Variants in CPQ observed in about 807,000 individuals in gnomAD.
The protein encoded by CPQ is carboxypeptidase Q.
CPQ carries 37 observed loss-of-function variants against 45.7 expected under a neutral mutation model. The ratio of observed to expected loss-of-function variants is 0.81; its 90% CI spans 0.62 to 1.07. The LOEUF (loss-of-function observed/expected upper bound fraction) is 1.07, where lower values mean the gene tolerates loss of function less well. Ranked by LOEUF, CPQ falls within the 50% of genes least tolerant of loss-of-function variation. The pLI, the probability that CPQ is intolerant of heterozygous loss-of-function variation, is 0.00. For missense variants in CPQ, 537 were observed against 572.9 expected, an observed-to-expected ratio of 0.94 and a Z score of 0.64; for synonymous variants, 186 against 205.8, an observed-to-expected ratio of 0.90 and a Z score of 0.82.
chr8:96,685,230 T>G (rs1313540033), intron 1 of CPQ, among the ~76,000 whole-genome samples: 1 of 152,200 alleles, frequency 6.6e-6, no homozygotes, highest in Admixed American at 6.5e-5. Context: ...GAAATACTTT[T>G]TATTTCTATT....
At chr8:97,037,733 T>C (rs1242702665) in intron 6 of CPQ, among the ~76,000 whole-genome samples, 1 of 152,234 alleles carries the variant, frequency 6.6e-6, no homozygotes, top group Non-Finnish European at 1.5e-5. Flanking sequence ...CTTTTGAGTT[T>C]GCTTTCTCCT....
chr8:96,929,762 C>A (rs777355993), intron 4 of CPQ, among the ~76,000 whole-genome samples: 2 of 152,134 alleles, frequency 1.3e-5, no homozygotes, highest in Non-Finnish European at 2.9e-5. Context: ...CTCTGAGATA[C>A]AATTACCCAT....
intron 4 of CPQ, among the ~76,000 whole-genome samples, chr8:96,925,324 C>G (rs1232724328): frequency 6.6e-6 from 1 of 151,804 alleles, no homozygotes; most frequent in African/African-American, 2.4e-5. Context: ...GTTGACTAGG[C>G]TACACCCTAG....
At chr8:96,949,078 GT>G (rs1168688722) in intron 4 of CPQ, among the ~76,000 whole-genome samples, 1 of 151,960 alleles carries the variant, frequency 6.6e-6, no homozygotes, top group Non-Finnish European at 1.5e-5. Context: ...TGGGTATTTT[GT>G]TTGTTTTCCA....
chr8:96,792,124 A>G (rs1396649657), intron 2 of CPQ, among the ~76,000 whole-genome samples: 2 of 152,152 alleles, frequency 1.3e-5, no homozygotes, highest in Admixed American at 6.6e-5. Flanking sequence ...GTTTATTCAC[A>G]TGGCAGGATT....
chr8:96,907,972 C>A (rs1480450002), intron 4 of CPQ, among the ~76,000 whole-genome samples: 1 of 152,246 alleles, frequency 6.6e-6, no homozygotes, highest in Middle Eastern at 3.4e-3. Flanking sequence ...ACATTAAGAA[C>A]ATTTTCTTAA....
intron 7 of CPQ, among the ~76,000 whole-genome samples, chr8:97,106,129 G>C (rs1191520426): frequency 6.6e-6 from 1 of 152,168 alleles, no homozygotes; most frequent in African/African-American, 2.4e-5. Flanking sequence ...TGGAGGGCTT[G>C]GATTCTGTGC....
At chr8:96,974,160 A>G (rs1813733429) in intron 5 of CPQ, among the ~76,000 whole-genome samples, 1 of 152,174 alleles carries the variant, frequency 6.6e-6, no homozygotes, top group South Asian at 2.1e-4. Context: ...TAAACTTAAG[A>G]TGAAGGGGTG....
chr8:96,730,866 C>CATACATACATATATATATAT lies in CPQ; in HGVS notation c.-34-53995_-34-53994insCATACATATATATATATATA, dbSNP rs56216136. Among the ~76,000 whole-genome samples, 46 of 68,692 alleles carry CATACATACATATATATATAT rather than the reference C, an allele frequency of 6.7e-4. 1 individual carries two copies. The highest frequency in any genetic ancestry group is 5.1e-3 in the East Asian group (11 of 2,144). 45.1% of individuals were successfully genotyped at this position (68,692 alleles called of 152,430 possible). On this transcript the variant is annotated intron_variant, in intron 1 of 7. Transcript: ENST00000220763. Reference sequence around the variant, plus strand: ...GATCTAGATCAATTAACCATACATACATATATATATATATATATATATATA... The same window carrying CATACATACATATATATATAT: ...GATCTAGATCAATTAACCATACATACATACATACATATATATATATATATATATATATATATATATATATA...
At chr8:96,980,431 C>A (rs1029867943) in intron 5 of CPQ, among the ~76,000 whole-genome samples, 1 of 152,160 alleles carries the variant, frequency 6.6e-6, no homozygotes. Flanking sequence ...CCGTGCCCAG[C>A]CTAAATTATT....
chr8:97,122,795 G>A lies in CPQ; in HGVS notation c.1256-20225G>A, dbSNP rs111543194. 2.2e-3 allele frequency among the ~76,000 whole-genome samples: 326 copies of A among 150,284 alleles called. 1 individual carries two copies. Among genetic ancestry groups the A allele is most frequent in the African/African-American group, 7.1e-3 (288 of 40,718 alleles). ...AGCTTCTCAGCAGCCTGAGGCAGGA[G>A]AATCGCTTGAACCCAGGAGGCAGAG... On this transcript the variant is annotated intron_variant, in intron 7 of 7. Transcript: ENST00000220763.
chr8:96,693,565 A>T (rs1477785817), intron 1 of CPQ, among the ~76,000 whole-genome samples: 1 of 152,182 alleles, frequency 6.6e-6, no homozygotes, highest in Non-Finnish European at 1.5e-5. Flanking sequence ...GACATATTAA[A>T]AGTGCCAAAA....
chr8:97,043,436 A>G lies in CPQ; in HGVS notation c.1053+13942A>G, dbSNP rs1810170535. Reference sequence around the variant, plus strand: ...GCACACTGATGGGTCTTGACTCTTTATCCAGTTTGCCAGTCTGTGTCTTTT... The same window carrying G: ...GCACACTGATGGGTCTTGACTCTTTGTCCAGTTTGCCAGTCTGTGTCTTTT... On this transcript the variant is annotated intron_variant, in intron 6 of 7. Transcript: ENST00000220763. Among the ~76,000 whole-genome samples, 6 of 151,972 alleles carry G rather than the reference A, an allele frequency of 3.9e-5. No homozygotes were observed. In the South Asian group the frequency reaches 1.2e-3, roughly 32 times the overall value.
chr8:96,916,028 T>A (rs1364059489), intron 4 of CPQ, among the ~76,000 whole-genome samples: 1 of 152,138 alleles, frequency 6.6e-6, no homozygotes, highest in Non-Finnish European at 1.5e-5. Context: ...AAGAGAGAGA[T>A]CTGATTCCTC....
chr8:96,872,526 T>C (rs1028633736), intron 3 of CPQ, among the ~76,000 whole-genome samples: 1 of 151,930 alleles, frequency 6.6e-6, no homozygotes, highest in African/African-American at 2.4e-5. Flanking sequence ...TAGGAAGTTA[T>C]ATATCTGTGA....
chr8:96,837,610 G>A (rs1811547492), intron 3 of CPQ, among the ~76,000 whole-genome samples: 1 of 151,976 alleles, frequency 6.6e-6, no homozygotes. Context: ...TCCTATGAAT[G>A]CGGTTCATAC....
intron 5 of CPQ, among the ~76,000 whole-genome samples, chr8:96,982,401 G>A (rs1424112012): frequency 6.6e-6 from 1 of 152,000 alleles, no homozygotes; most frequent in East Asian, 1.9e-4. Flanking sequence ...CAGTGCAATG[G>A]CACATCAGCT....
intron 4 of CPQ, among the ~76,000 whole-genome samples, chr8:96,903,483 C>G (rs1292561670): frequency 6.6e-6 from 1 of 152,120 alleles, no homozygotes; most frequent in Non-Finnish European, 1.5e-5. Context: ...GGAAGAACTC[C>G]CTGATCAGGC....
At chr8:96,997,750 G>A (rs1454789146) in intron 5 of CPQ, among the ~76,000 whole-genome samples, 1 of 151,836 alleles carries the variant, frequency 6.6e-6, no homozygotes, top group Non-Finnish European at 1.5e-5. Context: ...CCCATGTGTG[G>A]GATTCATCAT....
Sources: gnomAD v4.1 joint callset for allele counts (sites outside exome capture counted in the v4.1 genomes callset) on GRCh38, gnomAD v4.1.1 for gene constraint, MANE v1.5 for transcripts, NCBI Gene and HGNC (gene_info 2026-07-23, HGNC 2026-07-21) for gene names.